Variants in RAPGEF2 observed in about 807,000 individuals in gnomAD.
RAPGEF2 encodes the protein PDZ domain containing guanine nucleotide exchange factor (GEF) 1.
RAPGEF2 carries 54 observed loss-of-function variants against 186.7 expected under a neutral mutation model. That is an observed-to-expected ratio of 0.29 (90% confidence interval 0.23 to 0.36). The LOEUF (loss-of-function observed/expected upper bound fraction) is 0.36, where lower values mean the gene tolerates loss of function less well. Ranked by LOEUF, RAPGEF2 falls within the 10% of genes least tolerant of loss-of-function variation. RAPGEF2 has a pLI of 1.00. For missense variants in RAPGEF2, 1,532 were observed against 2,045.0 expected (o/e 0.75, Z 4.84); for synonymous variants, 712 against 705.9 (o/e 1.01, Z -0.14).
chr4:159,160,641 T>C (rs186584243), intron 1 of RAPGEF2, among the ~76,000 whole-genome samples: 34 of 152,386 alleles, frequency 2.2e-4, no homozygotes, highest in Admixed American at 7.2e-4. Context: ...TTTAACATGA[T>C]ATTCAGTATA....
intron 7 of RAPGEF2, among the ~76,000 whole-genome samples, chr4:159,290,728 A>G (rs558394085): frequency 7.2e-5 from 11 of 151,828 alleles, no homozygotes; most frequent in African/African-American, 2.7e-4. Flanking sequence ...CAGACTATTC[A>G]TTTAATGGCA....
At chr4:159,163,852 G>T (rs985723483) in intron 1 of RAPGEF2, among the ~76,000 whole-genome samples, 1 of 152,150 alleles carries the variant, frequency 6.6e-6, no homozygotes, top group Non-Finnish European at 1.5e-5. Flanking sequence ...CACATCAGGG[G>T]TCTGTCTAGA....
intron 7 of RAPGEF2, among the ~76,000 whole-genome samples, chr4:159,256,266 C>G (rs1338494280): frequency 6.6e-6 from 1 of 152,112 alleles, no homozygotes; most frequent in Non-Finnish European, 1.5e-5. Context: ...GTTCCCCTCC[C>G]TGTGTTCCCT....
chr4:159,322,641 T>G (rs1765373374), intron 10 of RAPGEF2, among the ~76,000 whole-genome samples, 158 bp downstream of exon 10: 1 of 152,214 alleles, frequency 6.6e-6, no homozygotes, highest in Non-Finnish European at 1.5e-5. Flanking sequence ...TGTCACTGTA[T>G]TAGTCCATTT....
chr4:159,112,910 A>G (rs977656893), intron 1 of RAPGEF2, among the ~76,000 whole-genome samples: 2 of 152,220 alleles, frequency 1.3e-5, no homozygotes, highest in African/African-American at 4.8e-5. Context: ...AATTAACCAG[A>G]TCATCAAAGT....
intron 17 of RAPGEF2, among the ~76,000 whole-genome samples, chr4:159,333,499 G>A (rs1766983945): frequency 6.6e-6 from 1 of 151,994 alleles, no homozygotes; most frequent in South Asian, 2.1e-4. Context: ...TACTGTCAAG[G>A]CATCAACAGC....
chr4:159,155,173 A>AC (rs1460507241), intron 1 of RAPGEF2, among the ~76,000 whole-genome samples: 2 of 152,202 alleles, frequency 1.3e-5, no homozygotes, highest in African/African-American at 4.8e-5. Context: ...GGGACAAGGA[A>AC]CAACCTTAAA....
intron 16 of RAPGEF2, among the ~76,000 whole-genome samples, 158 bp downstream of exon 16, chr4:159,332,192 A>C (rs904312773): frequency 1.3e-5 from 2 of 152,116 alleles, no homozygotes; most frequent in African/African-American, 2.4e-5. Context: ...CTTTATTGAT[A>C]ACTGAAATCT....
In RAPGEF2 at chr4:159,131,549, C is replaced by G. The variant is rs1212689158; in HGVS notation, c.69+27318C>G. 4.4e-3 allele frequency among the ~76,000 whole-genome samples: 126 copies of G among 28,602 alleles called. 2 individuals are homozygous for G. Among genetic ancestry groups the G allele is most frequent in the African/African-American group, 0.017 (105 of 6,196 alleles). The allele number at this position is 28,602 out of a possible 152,430, so 18.8% of individuals were successfully genotyped here. On this transcript the variant is annotated intron_variant, in intron 1 of 29. Transcript: ENST00000691494. ...TTTTTTTTTTTTTTTTTTTTTTTAG[C>G]TTTTGCTGTTGTTGTTTTTGTTCAG...
intron 1 of RAPGEF2, among the ~76,000 whole-genome samples, chr4:159,109,638 T>C (rs1738275115): frequency 2.6e-5 from 4 of 152,234 alleles, no homozygotes; most frequent in Admixed American, 2.0e-4. Flanking sequence ...TCTATTGTTA[T>C]AAGTAGATTG....
rs994050460 is a variant in RAPGEF2, at chr4:159,332,982, T to C, written c.2135+285T>C. The stretch of plus-strand genomic sequence containing the variant: ...TATTTTTTAATTTTTATTTATTTAT[T>C]TATTTATTTATTTTGAGAAAGAGTC... On this transcript the variant is annotated intron_variant, in intron 17 of 29. Coordinates refer to ENST00000691494, the MANE Select transcript of RAPGEF2 (RefSeq NM_001394067.2). 5.4e-5 allele frequency: 9 copies of C among 166,484 alleles called. No homozygotes were observed. The Admixed American group carries it at 5.8e-4, about 11-fold the overall frequency. 10.3% of individuals were successfully genotyped at this position (166,484 alleles called of 1,614,324 possible).
intron 9 of RAPGEF2, among the ~76,000 whole-genome samples, chr4:159,317,761 G>A (rs920981428): frequency 3.3e-5 from 5 of 151,752 alleles, no homozygotes; most frequent in African/African-American, 1.2e-4. Flanking sequence ...TTGGAAGTGT[G>A]TTCAGTTTAC....
chr4:159,331,318 C>A, intron 13 of RAPGEF2, 113 bp from the exon 14 acceptor site: 2 of 589,304 alleles, frequency 3.4e-6, no homozygotes, highest in South Asian at 2.8e-5. Context: ...ATTTATTTTC[C>A]TGTTTATTAT....
At chr4:159,108,700 G>C (rs1259098812) in intron 1 of RAPGEF2, among the ~76,000 whole-genome samples, 1 of 152,010 alleles carries the variant, frequency 6.6e-6, no homozygotes, top group African/African-American at 2.4e-5. Context: ...GATGAGATGG[G>C]GTGCTTTCAG....
chr4:159,347,276 G>A (rs901332917), intron 25 of RAPGEF2, among the ~76,000 whole-genome samples: 5 of 152,156 alleles, frequency 3.3e-5, no homozygotes, highest in African/African-American at 1.2e-4. Context: ...TTTGCTAAGC[G>A]CAGAAGATGC....
At chr4:159,191,549 G>A (rs1238313201) in intron 2 of RAPGEF2, among the ~76,000 whole-genome samples, 1 of 152,088 alleles carries the variant, frequency 6.6e-6, no homozygotes, top group East Asian at 1.9e-4. Flanking sequence ...GACCATACTG[G>A]CCAACATGAG....
chr4:159,330,193 A>G, intron 12 of RAPGEF2, 141 bp from the exon 13 acceptor site: 2 of 807,440 alleles, frequency 2.5e-6, no homozygotes, highest in Middle Eastern at 2.4e-4. Context: ...GTTACTATCC[A>G]ATTCATTTTA....
chr4:159,186,762 C>A, intron 2 of RAPGEF2, 50 bp downstream of exon 2: 2 of 1,065,760 alleles, frequency 1.9e-6, no homozygotes, highest in Non-Finnish European at 1.3e-6. Flanking sequence ...AAATTTGAAG[C>A]ATGTAACAAT....
intron 1 of RAPGEF2, among the ~76,000 whole-genome samples, chr4:159,114,765 A>G (rs1738865210): frequency 6.6e-6 from 1 of 152,176 alleles, no homozygotes. Flanking sequence ...TTTAAATTGT[A>G]GATTCTCTCT....
Sources: gnomAD v4.1 joint callset for allele counts (sites outside exome capture counted in the v4.1 genomes callset) on GRCh38, gnomAD v4.1.1 for gene constraint, MANE v1.5 for transcripts, NCBI Gene and HGNC (gene_info 2026-07-23, HGNC 2026-07-21) for gene names.